The following TRHDE variants were observed in gnomAD, a reference collection of about 807,000 sequenced individuals.
TRHDE encodes thyrotropin-releasing hormone-degrading ectoenzyme.
Under a neutral mutation model 125.7 loss-of-function variants are expected in TRHDE, and 72 were observed. That is an observed-to-expected ratio of 0.57 (90% CI 0.47 to 0.70). The LOEUF (loss-of-function observed/expected upper bound fraction) is 0.70. Ranked by LOEUF, TRHDE falls within the 30% of genes least tolerant of loss-of-function variation. TRHDE has a pLI of 0.00. For missense variants in TRHDE, 1,110 were observed against 1,327.1 expected (o/e 0.84, Z 2.54); for synonymous variants, 509 against 509.1 (o/e 1.00, Z 0.00).
At chr12:72,586,159 T>C (rs569674186) in intron 12 of TRHDE, among the ~76,000 whole-genome samples, 1 of 152,086 alleles carries the variant, frequency 6.6e-6, no homozygotes, top group Admixed American at 6.5e-5. Flanking sequence ...AAGAATAAGA[T>C]AATAGAAAAT....
chr12:72,216,533 T>C (rs762909553), intron 2 of TRHDE, among the ~76,000 whole-genome samples: 2 of 152,156 alleles, frequency 1.3e-5, no homozygotes, highest in Non-Finnish European at 2.9e-5. Context: ...GCAAGGTTCA[T>C]GGCATTCAGA....
chr12:72,386,866 C>T (rs2135786432), intron 3 of TRHDE, among the ~76,000 whole-genome samples: 1 of 152,236 alleles, frequency 6.6e-6, no homozygotes, highest in African/African-American at 2.4e-5. Context: ...TCTTTCAGGG[C>T]AACACTTTTT....
intron 3 of TRHDE, among the ~76,000 whole-genome samples, chr12:72,408,078 C>T (rs1416356667): frequency 2.6e-5 from 4 of 152,130 alleles, no homozygotes; most frequent in Admixed American, 2.6e-4. Context: ...CAGCAGAAGG[C>T]ATCACATTGT....
chr12:72,223,929 T>G (rs1280185481), intron 2 of TRHDE, among the ~76,000 whole-genome samples: 1 of 151,906 alleles, frequency 6.6e-6, no homozygotes, highest in East Asian at 1.9e-4. Flanking sequence ...TTTCTTACTT[T>G]TTTTTTTTCT....
chr12:72,421,638 C>T (rs932079349), intron 3 of TRHDE, among the ~76,000 whole-genome samples: 3 of 152,222 alleles, frequency 2.0e-5, no homozygotes, highest in South Asian at 2.1e-4. Flanking sequence ...AAAATCATGT[C>T]GTAAAAGACC....
intron 1 of TRHDE, among the ~76,000 whole-genome samples, chr12:72,096,855 T>A (rs977468575): frequency 1.3e-5 from 2 of 152,204 alleles, no homozygotes; most frequent in Non-Finnish European, 2.9e-5. Context: ...TGATTTTCCT[T>A]TGTTGCTTTC....
At chr12:72,262,648 T>C (rs1878977291) in intron 2 of TRHDE, 1 of 152,144 alleles carries the variant, frequency 6.6e-6, no homozygotes. Context: ...TAAAGACATA[T>C]ATACACCCAA....
intron 15 of TRHDE, among the ~76,000 whole-genome samples, chr12:72,640,529 C>G (rs1565820463): frequency 6.6e-6 from 1 of 152,118 alleles, no homozygotes; most frequent in Non-Finnish European, 1.5e-5. Flanking sequence ...TCTTCACTTA[C>G]TTTTTCAATC....
At chr12:72,599,505 C>T (rs1464789492) in intron 12 of TRHDE, among the ~76,000 whole-genome samples, 1 of 152,038 alleles carries the variant, frequency 6.6e-6, no homozygotes, top group Non-Finnish European at 1.5e-5. Flanking sequence ...TTCTTGGCTA[C>T]TTGTATGCCT....
intron 2 of TRHDE, among the ~76,000 whole-genome samples, chr12:72,239,231 A>ATT (rs139030112): frequency 8.8e-5 from 13 of 148,390 alleles, no homozygotes; most frequent in African/African-American, 2.0e-4. Flanking sequence ...CCACTTTTTG[A>ATT]TTTTTTTTTT....
intron 6 of TRHDE, among the ~76,000 whole-genome samples, chr12:72,510,457 T>C (rs995043813): frequency 1.3e-5 from 2 of 152,154 alleles, no homozygotes; most frequent in Admixed American, 1.3e-4. Flanking sequence ...CCCACACTTG[T>C]AACATATAAG....
intron 5 of TRHDE, among the ~76,000 whole-genome samples, chr12:72,491,572 T>C (rs1877687466): frequency 1.3e-5 from 2 of 151,860 alleles, no homozygotes; most frequent in Admixed American, 6.6e-5. Flanking sequence ...CGCATTCAGC[T>C]TGGATGTTAA....
At chr12:72,110,750 T>C (rs139727113) in intron 2 of TRHDE, among the ~76,000 whole-genome samples, 121 of 152,262 alleles carry the variant, frequency 7.9e-4, no homozygotes, top group Non-Finnish European at 1.5e-3. Context: ...AGATTTTACA[T>C]TGAGCAGAGT....
intron 2 of TRHDE, among the ~76,000 whole-genome samples, chr12:72,320,964 G>C (rs1344671721): frequency 6.6e-6 from 1 of 152,084 alleles, no homozygotes; most frequent in Non-Finnish European, 1.5e-5. Context: ...AAGAGCTATA[G>C]GTAAGATTAT....
chr12:72,380,768 T>TTCC (rs1872126730), intron 3 of TRHDE, among the ~76,000 whole-genome samples: 1 of 96,290 alleles, frequency 1.0e-5, no homozygotes, highest in Non-Finnish European at 2.4e-5. Flanking sequence ...CCTTCCTTGC[T>TTCC]TCCTTCCTTC....
intron 1 of TRHDE, chr12:72,274,804 A>G (rs956874884): frequency 5.9e-5 from 9 of 152,294 alleles, no homozygotes; most frequent in South Asian, 2.1e-4. Flanking sequence ...GAGTGAATGC[A>G]TTACAAAGTA....
At chr12:72,534,237 A>G (rs1413821200) in intron 6 of TRHDE, among the ~76,000 whole-genome samples, 1 of 152,234 alleles carries the variant, frequency 6.6e-6, no homozygotes, top group African/African-American at 2.4e-5. Context: ...TGAGAAGGAG[A>G]CAAAGTCATG....
At chr12:72,562,054 C>G (rs1013349080) in intron 7 of TRHDE, 111 bp from the exon 8 acceptor site, 19 of 517,948 alleles carry the variant, frequency 3.7e-5, no homozygotes, top group Non-Finnish European at 6.0e-5. Context: ...TTTTTATGTC[C>G]TTTTTTATTA....
chr12:72,510,833 A>G (rs1272104148), intron 6 of TRHDE, among the ~76,000 whole-genome samples: 1 of 152,140 alleles, frequency 6.6e-6, no homozygotes, highest in Non-Finnish European at 1.5e-5. Flanking sequence ...AGAAGGGAGA[A>G]AGAGAGATTG....
Sources: allele counts gnomAD v4.1 joint callset (sites outside exome capture counted in the v4.1 genomes callset), GRCh38; gene constraint gnomAD v4.1.1; transcripts MANE v1.5; gene names NCBI Gene and HGNC (gene_info 2026-07-23, HGNC 2026-07-21).